Variants in METTL24 observed in about 807,000 individuals in gnomAD.
METTL24 encodes methyltransferase like 24.
A neutral mutation model predicts 32.7 loss-of-function variants in METTL24; 29 were observed. That is an observed-to-expected ratio of 0.89 (90% CI 0.66 to 1.21). The LOEUF is 1.21. Among genes scored for constraint, METTL24 ranks in the 50% most tolerant of loss-of-function variants. The probability of loss-of-function intolerance (pLI) is 0.00; values close to 1 mark genes in which losing one functional copy is unlikely to be tolerated. For synonymous variants in METTL24, 163 were observed against 179.5 expected (o/e 0.91, Z 0.73); for missense variants, 439 against 468.1 (o/e 0.94, Z 0.57).
At chr6:110,284,597 C>T (rs1582400703) in intron 4 of METTL24, among the ~76,000 whole-genome samples, 1 of 149,566 alleles carries the variant, frequency 6.7e-6, no homozygotes, top group African/African-American at 2.6e-5. Context: ...GAGAAACGAT[C>T]CCTGTGAATA....
intron 4 of METTL24, among the ~76,000 whole-genome samples, chr6:110,264,862 T>C (rs1018475920): frequency 1.3e-5 from 2 of 151,936 alleles, no homozygotes; most frequent in Admixed American, 6.6e-5. Context: ...CTCAGCAAAC[T>C]ATTGCAAGGA....
intron 4 of METTL24, among the ~76,000 whole-genome samples, chr6:110,261,040 A>G (rs534189042): frequency 6.6e-6 from 1 of 152,370 alleles, no homozygotes; most frequent in East Asian, 1.9e-4. Flanking sequence ...CATCAAGGCT[A>G]GGAAGAAACT....
At chr6:110,342,007 G>A (rs576886352) in intron 1 of METTL24, among the ~76,000 whole-genome samples, 6 of 152,354 alleles carry the variant, frequency 3.9e-5, no homozygotes, top group South Asian at 4.1e-4. Flanking sequence ...GAGTGAGAAT[G>A]AAGGTGAGAA....
At chr6:110,283,397 C>A (rs572474259) in intron 4 of METTL24, among the ~76,000 whole-genome samples, 1 of 152,228 alleles carries the variant, frequency 6.6e-6, no homozygotes, top group South Asian at 2.1e-4. Context: ...TTTCCATAAT[C>A]TTGCCAGAAA....
chr6:110,313,274 G>A (rs7739797), intron 3 of METTL24, among the ~76,000 whole-genome samples: 26,533 of 152,144 alleles, frequency 0.17, 3,299 homozygotes, highest in African/African-American at 0.35. Flanking sequence ...TGGAGGTGAC[G>A]GATACTCTAA....
At chr6:110,281,818 A>G (rs2114717905) in intron 4 of METTL24, among the ~76,000 whole-genome samples, 1 of 151,426 alleles carries the variant, frequency 6.6e-6, no homozygotes, top group South Asian at 2.1e-4. Context: ...TCAAAATGAC[A>G]TAAGGGAAGT....
rs1020551145 is a variant in METTL24 at position 110,244,846 on chromosome 6, C to T, written c.*1100G>A. Among the ~76,000 whole-genome samples the T allele has an allele frequency of 1.3e-5, 2 of 152,084 alleles. No individual in the cohort carries two copies. The highest frequency in any genetic ancestry group is 4.8e-5 in the African/African-American group (2 of 41,398). On this transcript the variant is annotated 3_prime_UTR_variant, in exon 5 of 5. Transcript: ENST00000338882. ...GTAGCCAAACCATATTACTCATGGACTTATAATGAAGTAATCATTAAAGGC... is the reference window on the plus strand; with the variant it reads ...GTAGCCAAACCATATTACTCATGGATTTATAATGAAGTAATCATTAAAGGC...
chr6:110,306,196 AC>A (rs955323703), intron 3 of METTL24, among the ~76,000 whole-genome samples: 12 of 152,108 alleles, frequency 7.9e-5, no homozygotes, highest in African/African-American at 2.7e-4. Flanking sequence ...TAGGAGAAAT[AC>A]CTAATGTAGA....
intron 1 of METTL24, among the ~76,000 whole-genome samples, chr6:110,343,185 A>C (rs1323861702): frequency 6.6e-6 from 1 of 152,200 alleles, no homozygotes; most frequent in East Asian, 1.9e-4. Flanking sequence ...GAACCCCAAA[A>C]GCCAAAGGAG....
intron 1 of METTL24, among the ~76,000 whole-genome samples, chr6:110,327,735 A>G (rs1401869397): frequency 2.0e-5 from 3 of 152,228 alleles, no homozygotes; most frequent in Non-Finnish European, 1.5e-5. Flanking sequence ...CCACAAAGAG[A>G]ATTCTCTGAG....
intron 1 of METTL24, chr6:110,357,731 T>A (rs953888040): frequency 1.5e-5 from 3 of 200,996 alleles, no homozygotes; most frequent in African/African-American, 7.0e-5. Flanking sequence ...CCCCAAGTAC[T>A]GGCTGAATAG....
intron 4 of METTL24, among the ~76,000 whole-genome samples, chr6:110,260,543 A>C (rs1185410209): frequency 2.6e-5 from 4 of 152,236 alleles, no homozygotes; most frequent in Non-Finnish European, 5.9e-5. Context: ...AACACTCTGC[A>C]GGATATTATC....
intron 4 of METTL24, among the ~76,000 whole-genome samples, chr6:110,268,596 A>G (rs1770901042): frequency 1.3e-5 from 2 of 152,198 alleles, no homozygotes; most frequent in South Asian, 2.1e-4. Context: ...CACACATTTC[A>G]GCAGTTGTAG....
intron 4 of METTL24, among the ~76,000 whole-genome samples, chr6:110,255,261 A>T (rs1778360829): frequency 6.6e-6 from 1 of 152,248 alleles, no homozygotes; most frequent in African/African-American, 2.4e-5. Context: ...GAAAACATTT[A>T]CAAGCAAAGG....
Position 110,245,967 on chromosome 6 carries a change from C to T in METTL24, c.1080G>A (p.Trp360Ter), listed in dbSNP as rs1339756472. The T allele has an allele frequency of 6.2e-7, 1 of 1,612,416 alleles. No individual in the cohort carries two copies. Among genetic ancestry groups the T allele is most frequent in the East Asian group, 2.2e-5 (1 of 44,854 alleles). The change falls in exon 5 of 5, where the codon TGG becomes TGA. Residue 360 changes from tryptophan (W) to a stop codon, truncating the protein, a stop_gained. Transcript: ENST00000338882. LOFTEE classifies it high-confidence loss of function. ...CATCCTATTTCCATCTTGTATTCAC[C>T]CAACTCAGAGTATAACAGCTACTTG... Reference protein sequence around the residue: ...FNASSCYTLSWVNTRWK With the variant: ...FNASSCYTLS
chr6:110,347,297 C>T (rs957639963), intron 1 of METTL24, among the ~76,000 whole-genome samples: 2 of 152,318 alleles, frequency 1.3e-5, no homozygotes, highest in African/African-American at 4.8e-5. Flanking sequence ...ACTTCCCTGT[C>T]TGCAAAATGA....
Position 110,301,432 on chromosome 6 carries a change from T to C in METTL24, c.558-2282A>G, listed in dbSNP as rs1000967277. Among the ~76,000 whole-genome samples, 7 of 152,220 alleles carry C rather than the reference T, an allele frequency of 4.6e-5. 1 individual carries two copies. Among genetic ancestry groups the C allele is most frequent in the Admixed American group, 3.3e-4 (5 of 15,286 alleles). ...GCCCCTTGACTTTTTGGCTTGGCCA[T>C]GTGCCTTGCTTTATGGAAGGAAGTG... is the stretch of plus-strand genomic sequence containing the variant. On this transcript the variant is annotated intron_variant, in intron 3 of 4. Transcript: ENST00000338882.
chr6:110,271,016 T>G (rs1306159379), intron 4 of METTL24, among the ~76,000 whole-genome samples: 1 of 151,774 alleles, frequency 6.6e-6, no homozygotes, highest in African/African-American at 2.4e-5. Flanking sequence ...TATTTTCTAT[T>G]TTTCTTTTTT....
chr6:110,329,553 C>T (rs1255254630), intron 1 of METTL24, among the ~76,000 whole-genome samples: 1 of 152,086 alleles, frequency 6.6e-6, no homozygotes, highest in African/African-American at 2.4e-5. Context: ...GGTATCTGGA[C>T]AGAACATGAC....
Sources: gnomAD v4.1 joint callset for allele counts (sites outside exome capture counted in the v4.1 genomes callset) on GRCh38, gnomAD v4.1.1 for gene constraint, MANE v1.5 for transcripts, NCBI Gene and HGNC (gene_info 2026-07-23, HGNC 2026-07-21) for gene names.